Variants in ADPRHL1 observed in about 807,000 individuals in gnomAD.
ADPRHL1 encodes inactive ADP-ribosyltransferase ARH2.
A neutral mutation model predicts 44.1 loss-of-function variants in ADPRHL1; 43 were observed. The observed-to-expected ratio is 0.98, with a 90% CI of 0.76 to 1.26. The LOEUF (loss-of-function observed/expected upper bound fraction) is 1.26. ADPRHL1 is among the 50% of genes most tolerant of loss of function. ADPRHL1 has a pLI of 0.00. For missense variants in ADPRHL1, 2,022 were observed against 2,496.9 expected, an observed-to-expected ratio of 0.81 and a Z score of 4.05; for synonymous variants, 878 against 1,017.4, an observed-to-expected ratio of 0.86 and a Z score of 2.61.
intron 2 of ADPRHL1, among the ~76,000 whole-genome samples, chr13:113,436,813 C>T (rs1197828517): frequency 5.9e-5 from 4 of 67,410 alleles, no homozygotes; most frequent in African/African-American, 2.6e-4. Flanking sequence ...AGGTGTACCC[C>T]GGGACCCGGC....
intron 2 of ADPRHL1, among the ~76,000 whole-genome samples, chr13:113,434,569 G>A (rs1356325548): frequency 6.9e-6 from 1 of 145,362 alleles, no homozygotes; most frequent in Non-Finnish European, 1.5e-5. Flanking sequence ...CAGGTGTAGA[G>A]TGAACACAGG....
intron 7 of ADPRHL1, among the ~76,000 whole-genome samples, chr13:113,414,387 C>T (rs114112358): frequency 6.7e-4 from 102 of 151,530 alleles, no homozygotes; most frequent in African/African-American, 2.3e-3. Context: ...AGCCGCCCCC[C>T]CTTCCTCCCC....
chr13:113,405,795 C>T lies in ADPRHL1; in HGVS notation c.3487G>A (p.Glu1163Lys). ...CTGTGAGGGTCTCGAGGGAGAGCCTCTCCTCTGGGGTGGCTTTCGGACAAG... is the reference window on the plus strand; with the variant it reads ...CTGTGAGGGTCTCGAGGGAGAGCCTTTCCTCTGGGGTGGCTTTCGGACAAG... Reference protein sequence around the residue: ...RALSESHPRGEALPRDPHSHG... With the variant: ...RALSESHPRGKALPRDPHSHG... Residue 1163 changes from glutamate to lysine, a missense_variant, in exon 8 of 8, where the codon GAG becomes AAG. By Grantham distance (56) the Glu-to-Lys change is moderately conservative (BLOSUM62 1). Transcript: ENST00000612156. The T allele has an allele frequency of 4.1e-6, 5 of 1,231,796 alleles. No homozygotes were observed. The highest frequency in any genetic ancestry group is 3.2e-5 in the East Asian group (1 of 31,686). 76.3% of individuals were successfully genotyped at this position (1,231,796 alleles called of 1,614,324 possible).
Position 113,453,404 on chromosome 13 carries a change from T to A in ADPRHL1, c.34A>T (p.Ser12Cys). 1.9e-6 allele frequency: 3 copies of A among 1,614,098 alleles called. No individual in the cohort carries two copies. Among genetic ancestry groups the A allele is most frequent in the Non-Finnish European group, 2.5e-6 (3 of 1,180,010 alleles). Reference protein sequence around the residue: ...EKFKAAMLLGSVGDALGYRNV... With the variant: ...EKFKAAMLLGCVGDALGYRNV... ...CTGTAGCCAAGAGCATCGCCGACGCTCCCCAGCAACATCGCAGCCTTAAAT... is the reference window on the plus strand; with the variant it reads ...CTGTAGCCAAGAGCATCGCCGACGCACCCCAGCAACATCGCAGCCTTAAAT... The change falls in exon 1 of 8, where the codon AGC becomes TGC. Residue 12 changes from serine to cysteine, a missense_variant. This residue lies in a region of ADPRHL1 where 437 missense variants were observed against 430.7 expected (regional missense o/e 1.01). Coordinates refer to ENST00000612156, the MANE Select transcript of ADPRHL1 (RefSeq NM_001394807.1). The surrounding 1 kb of genome is among the most constrained non-coding windows in gnomAD (Gnocchi z 5.4).
Position 113,400,594 on chromosome 13 carries a change from G to A in ADPRHL1, c.*2784C>T, listed in dbSNP as rs2043753658. On this transcript the variant is annotated 3_prime_UTR_variant, in exon 8 of 8. Coordinates refer to ENST00000612156, the MANE Select transcript of ADPRHL1 (RefSeq NM_001394807.1). Reference sequence around the variant, plus strand: ...GGGCCTTAGCCATGTGGCCGTGATGGTCGTATCTGAAGTGTGAATACTTCC... The same window carrying A: ...GGGCCTTAGCCATGTGGCCGTGATGATCGTATCTGAAGTGTGAATACTTCC... 1 of 152,174 alleles carries A rather than the reference G, an allele frequency of 6.6e-6. No individual in the cohort carries two copies. Among genetic ancestry groups the A allele is most frequent in the South Asian group, 2.1e-4 (1 of 4,826 alleles). The allele number at this position is 152,174 out of a possible 1,614,324, so 9.4% of individuals were successfully genotyped here. A position where few individuals can be genotyped will look rare whatever the true frequency, so the allele number is the denominator to read the frequency against.
chr13:113,405,878 C>T lies in ADPRHL1; in HGVS notation c.3404G>A (p.Ser1135Asn). 2.4e-6 allele frequency: 3 copies of T among 1,232,040 alleles called. No individual in the cohort carries two copies. The highest frequency in any genetic ancestry group is 3.2e-5 in the East Asian group (1 of 31,708). The allele number at this position is 1,232,040 out of a possible 1,614,324, so 76.3% of individuals were successfully genotyped here. The change falls in exon 8 of 8, where the codon AGC becomes AAC. Residue 1135 changes from serine to asparagine, a missense_variant. Around this residue, in one of 8 missense-constraint regions of ADPRHL1, gnomAD observed 1,221 missense variants for 1,517.8 expected, o/e 0.80. Transcript: ENST00000612156. The stretch of plus-strand genomic sequence containing the variant: ...CTCTCCCGCTGTGCGGTCTCCAGGG[C>T]TCTGGGTGCTGCCTGGCGCTGGTGC... Reference protein sequence around the residue: ...TPAPAPGSTQSPGDRTAGEPE... With the variant: ...TPAPAPGSTQNPGDRTAGEPE...
At position 113,416,692 on chromosome 13, in the gene ADPRHL1, A is replaced by G. The variant is rs1296322114; in HGVS notation, c.1061+6134T>C. Among the ~76,000 whole-genome samples the G allele has an allele frequency of 3.3e-5, 5 of 152,234 alleles. No homozygotes were observed. In the East Asian group the frequency reaches 9.6e-4, roughly 29 times the overall value. Reference sequence around the variant, plus strand: ...ATTTCTAACACATAATAAAAACACAATATAGTATATTATATTGCAACAGGA... The same window carrying G: ...ATTTCTAACACATAATAAAAACACAGTATAGTATATTATATTGCAACAGGA... On this transcript the variant is annotated intron_variant, in intron 7 of 7. Coordinates refer to ENST00000612156, the MANE Select transcript of ADPRHL1 (RefSeq NM_001394807.1).
rs2043824476 is a variant in ADPRHL1 at position 113,408,285 on chromosome 13, C to T, written c.1062-65G>A. 3 of 1,229,330 alleles carry T rather than the reference C, an allele frequency of 2.4e-6. No individual in the cohort carries two copies. In the East Asian group the frequency reaches 9.5e-5, roughly 39 times the overall value. 76.2% of individuals were successfully genotyped at this position (1,229,330 alleles called of 1,614,324 possible). A position where few individuals can be genotyped will look rare whatever the true frequency, so the allele number is the denominator to read the frequency against. ...TTTTCTCCAAGATGACTCTATAGAACATTTATCATGGGGCAATCCCACCTT... is the reference window on the plus strand; with the variant it reads ...TTTTCTCCAAGATGACTCTATAGAATATTTATCATGGGGCAATCCCACCTT... On this transcript the variant is annotated intron_variant, in intron 7 of 7. Transcript: ENST00000612156.
Position 113,405,296 on chromosome 13 carries a change from C to A in ADPRHL1, c.3986G>T (p.Gly1329Val). ...PAEVDMGWVG[G>V]THQRGPPHLQ... ...ATGGGGAGGGCCCCGCTGGTGGGTG[C>A]CACCTACCCACCCCATGTCCACCTC... Residue 1329 changes from glycine to valine, a missense_variant, in exon 8 of 8, where the codon GGC (glycine) becomes GTC (valine). Coordinates refer to ENST00000612156, the MANE Select transcript of ADPRHL1 (RefSeq NM_001394807.1). The A allele has an allele frequency of 8.1e-7, 1 of 1,231,866 alleles. No individual in the cohort carries two copies. Among genetic ancestry groups the A allele is most frequent in the Non-Finnish European group, 1.0e-6 (1 of 988,074 alleles). 76.3% of individuals were successfully genotyped at this position (1,231,866 alleles called of 1,614,324 possible).
At chr13:113,450,032 C>T (rs985166667) in intron 1 of ADPRHL1, among the ~76,000 whole-genome samples, 1 of 152,200 alleles carries the variant, frequency 6.6e-6, no homozygotes, top group South Asian at 2.1e-4. Flanking sequence ...GGATAACATG[C>T]GTGAAGCAGC....
In ADPRHL1 at chr13:113,423,008, G is replaced by A. The variant is rs553389709; in HGVS notation, c.908-29C>T. On this transcript the variant is annotated intron_variant, in intron 6 of 7. Transcript: ENST00000612156. The stretch of plus-strand genomic sequence containing the variant: ...AAACGCAAAGGCAGCAGTTGCAGTG[G>A]GCTCCACCTGACCAGGGCCTCTGCA... 4.6e-5 allele frequency: 74 copies of A among 1,612,042 alleles called. No individual in the cohort carries two copies. In the South Asian group the frequency reaches 7.9e-4, roughly 17 times the overall value.
chr13:113,429,076 CA>C lies in ADPRHL1; in HGVS notation c.521del (p.Leu174ArgfsTer105), dbSNP rs1296921341. 12 of 1,610,882 alleles carry C rather than the reference CA, an allele frequency of 7.4e-6. No homozygotes were observed. The highest frequency in any genetic ancestry group is 1.0e-5 in the Non-Finnish European group (12 of 1,179,310). ...CGAACGACACAAACAGGGCCGTGCA[CA>C]GGGAGCCCAGGAAGCCTGGAGGGCA... Reference protein sequence around the residue: ...HNHPTGFLGSLCTALFVSFAA... With the variant: ...HNHPTGFLGSXCTALFVSFAA... On this transcript the variant is annotated frameshift_variant, in exon 4 of 8. Coordinates refer to ENST00000612156, the MANE Select transcript of ADPRHL1 (RefSeq NM_001394807.1). LOFTEE classifies it high-confidence loss of function.
At chr13:113,421,658 C>G (rs1462972683) in intron 7 of ADPRHL1, among the ~76,000 whole-genome samples, 5 of 152,220 alleles carry the variant, frequency 3.3e-5, no homozygotes, top group Non-Finnish European at 7.3e-5. Flanking sequence ...GTGAAGTCCA[C>G]CAGCCTCTCT....
chr13:113,448,511 C>T (rs1242714185), intron 1 of ADPRHL1, among the ~76,000 whole-genome samples: 1 of 149,018 alleles, frequency 6.7e-6, no homozygotes, highest in African/African-American at 2.5e-5. Flanking sequence ...AGTCTCCCAA[C>T]CCATGTCTCA....
chr13:113,420,132 C>T (rs2043908125), intron 7 of ADPRHL1, among the ~76,000 whole-genome samples: 1 of 152,132 alleles, frequency 6.6e-6, no homozygotes, highest in Non-Finnish European at 1.5e-5. Context: ...TCATTTTTAT[C>T]GCAAAAATGA....
intron 6 of ADPRHL1, 133 bp from the exon 7 acceptor site, chr13:113,423,112 G>T (rs766496056): frequency 7.6e-6 from 10 of 1,307,658 alleles, no homozygotes; most frequent in Non-Finnish European, 1.0e-5. Flanking sequence ...GGACAGGCAG[G>T]CCAGCGCGGT....
At chr13:113,430,698 A>T (rs1304521688) in intron 3 of ADPRHL1, among the ~76,000 whole-genome samples, 1 of 150,880 alleles carries the variant, frequency 6.6e-6, no homozygotes, top group Non-Finnish European at 1.5e-5. Flanking sequence ...AGCAGTGATA[A>T]AAGGCGGGGG....
chr13:113,407,906 T>G lies in ADPRHL1; in HGVS notation c.1376A>C (p.Lys459Thr). 8.1e-7 allele frequency: 1 copy of G among 1,231,924 alleles called. No homozygotes were observed. The highest frequency in any genetic ancestry group is 1.0e-6 in the Non-Finnish European group (1 of 987,934). 76.3% of individuals were successfully genotyped at this position (1,231,924 alleles called of 1,614,324 possible). ...CACGAGGCCCCCACCCGGCCCCTGC[T>G]TGTCCTTGGAGATCAGCCGGCCCAC... Reference protein sequence around the residue: ...REVGRLISKDKQGPGGGLVGA... With the variant: ...REVGRLISKDTQGPGGGLVGA... The change falls in exon 8 of 8, where the codon AAG (lysine) becomes ACG (threonine). Residue 459 changes from lysine (K) to threonine (T), a missense_variant. Transcript: ENST00000612156.
intron 3 of ADPRHL1, among the ~76,000 whole-genome samples, chr13:113,430,217 G>C (rs186794282): frequency 6.6e-6 from 1 of 152,210 alleles, no homozygotes. Context: ...GCTCGGAAGA[G>C]ACTGATCTGA....
Sources: allele counts gnomAD v4.1 joint callset (sites outside exome capture counted in the v4.1 genomes callset), GRCh38; gene constraint gnomAD v4.1.1; regional missense constraint gnomAD v4.1.1; non-coding constraint Gnocchi (gnomAD v3.1); transcripts MANE v1.5; gene names NCBI Gene and HGNC (gene_info 2026-07-23, HGNC 2026-07-21).